The following BMPR1B variants were observed in gnomAD, a reference collection of about 807,000 sequenced individuals.
BMPR1B encodes the protein bone morphogenetic protein receptor type-1B.
BMPR1B carries 12 observed loss-of-function variants against 59.1 expected under a neutral mutation model. The ratio of observed to expected loss-of-function variants is 0.20; its 90% CI spans 0.13 to 0.33. BMPR1B has a LOEUF of 0.33. Ranked by LOEUF, BMPR1B falls within the 10% of genes least tolerant of loss-of-function variation. The pLI is 1.00. For synonymous variants in BMPR1B, 237 were observed against 207.3 expected (o/e 1.14, Z -1.23); for missense variants, 550 against 610.9 (o/e 0.90, Z 1.05).
intron 1 of BMPR1B, among the ~76,000 whole-genome samples, chr4:94,770,803 A>T (rs1353813443): frequency 6.7e-6 from 1 of 149,982 alleles, no homozygotes; most frequent in Non-Finnish European, 1.5e-5. Context: ...AAGGGCTTTT[A>T]AAAAAAATCC....
rs1287112441 is a variant in BMPR1B, at chr4:95,029,526, T to C, written c.-18+33392T>C. 2.6e-5 allele frequency among the ~76,000 whole-genome samples: 4 copies of C among 152,172 alleles called. No homozygotes were observed. In the East Asian group the frequency reaches 7.7e-4, roughly 29 times the overall value. ...TGGACATTTGGGTTGGTTCCAAGTCTTTGCTATAATAGTCTTTGTGGAACT... is the reference window on the plus strand; with the variant it reads ...TGGACATTTGGGTTGGTTCCAAGTCCTTGCTATAATAGTCTTTGTGGAACT... On this transcript the variant is annotated intron_variant, in intron 3 of 12. Transcript: ENST00000515059.
At chr4:95,096,425 A>C (rs542988823) in intron 3 of BMPR1B, among the ~76,000 whole-genome samples, 1 of 151,588 alleles carries the variant, frequency 6.6e-6, no homozygotes, top group African/African-American at 2.4e-5. Context: ...ATGAAATTTG[A>C]TTGATTTGCC....
intron 1 of BMPR1B, among the ~76,000 whole-genome samples, chr4:94,785,639 C>T (rs1722737228): frequency 6.6e-6 from 1 of 152,062 alleles, no homozygotes; most frequent in South Asian, 2.1e-4. Flanking sequence ...ACTGTGAAAG[C>T]CAGAGAACTG....
intron 2 of BMPR1B, among the ~76,000 whole-genome samples, chr4:94,955,637 C>CTTTTTTTTTTT (rs148110827): frequency 6.7e-6 from 1 of 148,230 alleles, no homozygotes. Flanking sequence ...ACATTTAATT[C>CTTTTTTTTTTT]TTTTTTTTTA....
At chr4:94,823,748 GTT>G (rs34501634) in intron 1 of BMPR1B, among the ~76,000 whole-genome samples, 55,060 of 149,208 alleles carry the variant, frequency 0.37, 11,536 homozygotes, top group Admixed American at 0.52. Flanking sequence ...TATCCTTTTG[GTT>G]TTTTTTTTTT....
chr4:94,782,217 C>T (rs1014876481), intron 1 of BMPR1B, among the ~76,000 whole-genome samples: 9 of 152,022 alleles, frequency 5.9e-5, no homozygotes, highest in African/African-American at 2.2e-4. Flanking sequence ...GTACTATCTC[C>T]ATTGACCTAT....
At chr4:94,789,650 A>C (rs574116451) in intron 1 of BMPR1B, among the ~76,000 whole-genome samples, 6 of 152,364 alleles carry the variant, frequency 3.9e-5, no homozygotes, top group Non-Finnish European at 7.3e-5. Flanking sequence ...TAAAGCAAGA[A>C]ATGCCCATTA....
At chr4:95,002,184 T>C (rs1244407996) in intron 3 of BMPR1B, among the ~76,000 whole-genome samples, 1 of 152,178 alleles carries the variant, frequency 6.6e-6, no homozygotes, top group African/African-American at 2.4e-5. Context: ...CATCTGGATG[T>C]CCATGAGTTG....
At chr4:94,993,130 A>G (rs1721851928) in intron 2 of BMPR1B, among the ~76,000 whole-genome samples, 1 of 152,282 alleles carries the variant, frequency 6.6e-6, no homozygotes, top group East Asian at 1.9e-4. Flanking sequence ...GCCTCAAGAA[A>G]TCCTTCTGCC....
At chr4:94,832,959 C>T (rs753272469) in intron 1 of BMPR1B, among the ~76,000 whole-genome samples, 2 of 151,462 alleles carry the variant, frequency 1.3e-5, no homozygotes, top group South Asian at 2.1e-4. Flanking sequence ...GAGGCTGGGG[C>T]GGGGGGATCC....
chr4:94,815,663 G>A (rs992012141), intron 1 of BMPR1B, among the ~76,000 whole-genome samples: 1 of 152,182 alleles, frequency 6.6e-6, no homozygotes, highest in Non-Finnish European at 1.5e-5. Flanking sequence ...CACGTGGCTA[G>A]ATGTGTTAGC....
At chr4:94,935,934 C>A (rs1194355566) in intron 2 of BMPR1B, among the ~76,000 whole-genome samples, 2 of 151,962 alleles carry the variant, frequency 1.3e-5, no homozygotes, top group Non-Finnish European at 2.9e-5. Context: ...ATTTTGTGTG[C>A]ATTTTTTTGT....
At chr4:94,983,618 C>T (rs1325383845) in intron 2 of BMPR1B, among the ~76,000 whole-genome samples, 3 of 152,178 alleles carry the variant, frequency 2.0e-5, no homozygotes, top group Non-Finnish European at 4.4e-5. Flanking sequence ...AAGCCTGTTA[C>T]CACCACTTAA....
chr4:94,956,160 ATTTC>A (rs1158906223), intron 2 of BMPR1B, among the ~76,000 whole-genome samples: 4 of 152,228 alleles, frequency 2.6e-5, no homozygotes, highest in Admixed American at 6.5e-5. Flanking sequence ...ATGCCTTGTA[ATTTC>A]TTTCTACGTA....
chr4:95,156,721 C>T lies in BMPR1B; in HGVS notation c.*2048C>T, dbSNP rs539897297. 4 of 151,824 alleles carry T rather than the reference C, an allele frequency of 2.6e-5. No homozygotes were observed. Among genetic ancestry groups the T allele is most frequent in the Non-Finnish European group, 5.9e-5 (4 of 67,896 alleles). 9.4% of individuals were successfully genotyped at this position (151,824 alleles called of 1,614,324 possible). A position where few individuals can be genotyped will look rare whatever the true frequency, so the allele number is the denominator to read the frequency against. On this transcript the variant is annotated 3_prime_UTR_variant, in exon 13 of 13. Coordinates refer to ENST00000515059, the MANE Select transcript of BMPR1B (RefSeq NM_001203.3). ...AAAACAAGTAGAACTGTAATCAGAA[C>T]GCTGCTTCAATTGATATTAAAAATA...
intron 1 of BMPR1B, among the ~76,000 whole-genome samples, chr4:94,785,227 T>G (rs1236832647): frequency 6.6e-6 from 1 of 152,192 alleles, no homozygotes; most frequent in Non-Finnish European, 1.5e-5. Context: ...TACTCTTCCT[T>G]CCCTGTGCTC....
intron 7 of BMPR1B, among the ~76,000 whole-genome samples, chr4:95,124,483 T>C (rs945379307): frequency 6.6e-6 from 1 of 152,088 alleles, no homozygotes; most frequent in Non-Finnish European, 1.5e-5. Context: ...ATTAATTGAT[T>C]CAAATAAATT....
rs545121387 is a variant in BMPR1B, at chr4:94,936,249, A to G, written c.-112-59791A>G. Among the ~76,000 whole-genome samples the G allele has an allele frequency of 9.2e-5, 14 of 152,318 alleles. No individual in the cohort carries two copies. The East Asian group carries it at 2.7e-3, about 29-fold the overall frequency. Reference sequence around the variant, plus strand: ...AGGAAAAATCATAAAATGATTTTTTATGCCAAGTTATACAGAGGCAGTTTG... The same window carrying G: ...AGGAAAAATCATAAAATGATTTTTTGTGCCAAGTTATACAGAGGCAGTTTG... On this transcript the variant is annotated intron_variant, in intron 2 of 12. Coordinates refer to ENST00000515059, the MANE Select transcript of BMPR1B (RefSeq NM_001203.3).
At chr4:94,939,818 T>A (rs1325542738) in intron 2 of BMPR1B, among the ~76,000 whole-genome samples, 3 of 152,234 alleles carry the variant, frequency 2.0e-5, no homozygotes, top group Non-Finnish European at 2.9e-5. Flanking sequence ...TGTTTTTTAT[T>A]TGACACCTTT....
Sources: allele counts gnomAD v4.1 joint callset (sites outside exome capture counted in the v4.1 genomes callset), GRCh38; gene constraint gnomAD v4.1.1; transcripts MANE v1.5; gene names NCBI Gene and HGNC (gene_info 2026-07-23, HGNC 2026-07-21).